Variants in CTXN2 observed in about 807,000 individuals in gnomAD.
CTXN2 encodes the protein cortexin-2.
Under a neutral mutation model 5.7 loss-of-function variants are expected in CTXN2, and 3 were observed. That is an observed-to-expected ratio of 0.53 (90% CI 0.24 to 1.36). CTXN2 has a LOEUF of 1.36. CTXN2 is among the 40% of genes most tolerant of loss of function. The pLI is 0.17. For missense variants in CTXN2, 87 were observed against 93.0 expected (o/e 0.94, Z 0.26); for synonymous variants, 38 against 36.4 (o/e 1.04, Z -0.16).
At chr15:48,185,287 T>C (rs1229156200) in intron 1 of CTXN2, among the ~76,000 whole-genome samples, 1 of 152,192 alleles carries the variant, frequency 6.6e-6, no homozygotes, top group Non-Finnish European at 1.5e-5. Context: ...GTAAACTGTG[T>C]ACTTAATAAT....
intron 1 of CTXN2, among the ~76,000 whole-genome samples, chr15:48,198,883 A>G (rs1393852553): frequency 2.6e-5 from 4 of 152,220 alleles, no homozygotes; most frequent in African/African-American, 9.6e-5. Context: ...TGATAACAAA[A>G]AGAACTAGTT....
At chr15:48,185,489 T>C (rs7170239) in intron 1 of CTXN2, among the ~76,000 whole-genome samples, 21,534 of 151,968 alleles carry the variant, frequency 0.14, 4,236 homozygotes, top group African/African-American at 0.42. Context: ...CTGGCAATAT[T>C]TCGGGAAAAA....
Position 48,202,356 on chromosome 15 carries a change from G to A in CTXN2, c.*810G>A, listed in dbSNP as rs1321500349. The stretch of plus-strand genomic sequence containing the variant: ...TCTAATCTCTGTGAGCTTCAGTGAA[G>A]AGTAGTGTTAACATCCTTTTCAATT... On this transcript the variant is annotated 3_prime_UTR_variant, in exon 2 of 2. Coordinates refer to ENST00000417307, the MANE Select transcript of CTXN2 (RefSeq NM_001145668.2). 6.0e-6 allele frequency: 1 copy of A among 167,056 alleles called. No individual in the cohort carries two copies. Among genetic ancestry groups the A allele is most frequent in the African/African-American group, 2.4e-5 (1 of 41,462 alleles). The allele number at this position is 167,056 out of a possible 1,614,324, so 10.3% of individuals were successfully genotyped here.
Position 48,180,859 on chromosome 15 carries a change from T to G in CTXN2, c.-455+2459T>G, listed in dbSNP as rs550085177. Among the ~76,000 whole-genome samples, 5 of 152,344 alleles carry G rather than the reference T, an allele frequency of 3.3e-5. No individual in the cohort carries two copies. The South Asian group carries it at 1.0e-3, about 32-fold the overall frequency. On this transcript the variant is annotated intron_variant, in intron 1 of 2. Transcript: ENST00000644354. Reference sequence around the variant, plus strand: ...TGTTTTTTAGTGCATGTAGGTACATTGAAAAATTCTTAAGTGATGCTCAAA... The same window carrying G: ...TGTTTTTTAGTGCATGTAGGTACATGGAAAAATTCTTAAGTGATGCTCAAA...
intron 1 of CTXN2, among the ~76,000 whole-genome samples, chr15:48,195,992 C>T (rs1302575525): frequency 6.6e-6 from 1 of 152,056 alleles, no homozygotes; most frequent in African/African-American, 2.4e-5. Flanking sequence ...ATACTAGCAA[C>T]CCAATAAATA....
chr15:48,191,886 C>T, intron 1 of CTXN2, 33 bp downstream of exon 1: 1 of 453,398 alleles, frequency 2.2e-6, no homozygotes, highest in Admixed American at 2.4e-5. Flanking sequence ...GTAACTTTCT[C>T]CCCCTTCCCT....
intron 1 of CTXN2, among the ~76,000 whole-genome samples, chr15:48,182,862 G>T (rs1316274402): frequency 1.3e-5 from 2 of 152,214 alleles, no homozygotes; most frequent in East Asian, 3.9e-4. Flanking sequence ...GGAAGAGCAG[G>T]AGTCACAAGG....
chr15:48,190,429 A>G (rs968284363), upstream of CTXN2, among the ~76,000 whole-genome samples: 4 of 152,236 alleles, frequency 2.6e-5, no homozygotes, highest in Admixed American at 6.5e-5. Flanking sequence ...ACATCTTAAT[A>G]GTTTAAAATC....
At chr15:48,183,743 A>G (rs1286379049) in intron 1 of CTXN2, among the ~76,000 whole-genome samples, 1 of 152,198 alleles carries the variant, frequency 6.6e-6, no homozygotes, top group Non-Finnish European at 1.5e-5. Flanking sequence ...ACAAATCTCA[A>G]TTGTGAGTTC....
At chr15:48,191,590 C>A, upstream of CTXN2, 1 of 412,376 alleles carries the variant, frequency 2.4e-6, no homozygotes, top group Non-Finnish European at 4.9e-6. Context: ...CACACTGCCA[C>A]ACCGAAGAAA....
intron 1 of CTXN2, among the ~76,000 whole-genome samples, chr15:48,195,141 T>A (rs1187840416): frequency 1.3e-5 from 2 of 152,208 alleles, no homozygotes; most frequent in East Asian, 3.8e-4. Context: ...TTTTTAAGTC[T>A]ATGCTTTGCT....
At chr15:48,200,561 T>C (rs897263333) in intron 1 of CTXN2, among the ~76,000 whole-genome samples, 1 of 152,088 alleles carries the variant, frequency 6.6e-6, no homozygotes, top group Non-Finnish European at 1.5e-5. Context: ...CTAATGGAGA[T>C]GGTGGGGAGG....
Position 48,193,028 on chromosome 15 carries a change from A to G in CTXN2, c.-58+1175A>G, listed in dbSNP as rs184449599. On this transcript the variant is annotated intron_variant, in intron 1 of 1. Coordinates refer to ENST00000417307, the MANE Select transcript of CTXN2 (RefSeq NM_001145668.2). ...TATAAAAATACTATCATCTTTGCTT[A>G]ACTGCTTACGGAGATATGATTTGTA... Among the ~76,000 whole-genome samples the G allele has an allele frequency of 2.0e-4, 30 of 152,336 alleles. No individual in the cohort carries two copies. In the East Asian group the frequency reaches 3.5e-3, roughly 18 times the overall value.
chr15:48,180,605 G>A (rs1481924268), intron 1 of CTXN2, among the ~76,000 whole-genome samples: 1 of 152,126 alleles, frequency 6.6e-6, no homozygotes, highest in Non-Finnish European at 1.5e-5. Flanking sequence ...TCCACCTCCC[G>A]CGTTCATACC....
chr15:48,191,137 G>C (rs2040816537), upstream of CTXN2: 1 of 152,396 alleles, frequency 6.6e-6, no homozygotes, highest in South Asian at 2.1e-4. Context: ...AACTCCAAAC[G>C]ACACATTCAG....
intron 1 of CTXN2, among the ~76,000 whole-genome samples, chr15:48,181,522 C>A (rs886931069): frequency 6.6e-6 from 1 of 151,954 alleles, no homozygotes; most frequent in Non-Finnish European, 1.5e-5. Context: ...GGTTCTGTTA[C>A]CAATGAAGAA....
At chr15:48,187,957 TTCC>T (rs1276797696), upstream of CTXN2, among the ~76,000 whole-genome samples, 1 of 152,152 alleles carries the variant, frequency 6.6e-6, no homozygotes, top group Non-Finnish European at 1.5e-5. Flanking sequence ...ATTTTAATAT[TTCC>T]TCATTATAGT....
At chr15:48,180,438 A>C (rs2040691401) in intron 1 of CTXN2, among the ~76,000 whole-genome samples, 1 of 152,102 alleles carries the variant, frequency 6.6e-6, no homozygotes, top group Non-Finnish European at 1.5e-5. Context: ...TAAAGAAAAA[A>C]CTATTAATAT....
Position 48,201,636 on chromosome 15 carries a change from C to T in CTXN2, c.*90C>T, listed in dbSNP as rs577082755. The T allele has an allele frequency of 2.2e-5, 28 of 1,266,806 alleles. No homozygotes were observed. In the African/African-American group the frequency reaches 3.2e-4, roughly 14 times the overall value. The allele number at this position is 1,266,806 out of a possible 1,614,324, so 78.5% of individuals were successfully genotyped here. A position where few individuals can be genotyped will look rare whatever the true frequency, so the allele number is the denominator to read the frequency against. ...ACCTTGAGGGTGTGGGAGAGAGGCTCATTTTGTTCAGTGAATTCAATAAAC... is the reference window on the plus strand; with the variant it reads ...ACCTTGAGGGTGTGGGAGAGAGGCTTATTTTGTTCAGTGAATTCAATAAAC... On this transcript the variant is annotated 3_prime_UTR_variant, in exon 2 of 2. Transcript: ENST00000417307.
Sources: allele counts gnomAD v4.1 joint callset (sites outside exome capture counted in the v4.1 genomes callset), GRCh38; gene constraint gnomAD v4.1.1; transcripts MANE v1.5; gene names NCBI Gene and HGNC (gene_info 2026-07-23, HGNC 2026-07-21).